NT5E: variants seen among roughly 807,000 people sequenced by gnomAD.
NT5E encodes 5'-nucleotidase.
A neutral mutation model predicts 55.1 loss-of-function variants in NT5E; 53 were observed. The ratio of observed to expected loss-of-function variants is 0.96; its 90% CI spans 0.77 to 1.21. NT5E has a LOEUF of 1.21. NT5E is among the 50% of genes most tolerant of loss of function. The pLI is 0.00. For synonymous variants in NT5E, 270 were observed against 278.4 expected (o/e 0.97, Z 0.30); for missense variants, 683 against 724.3 (o/e 0.94, Z 0.65).
intron 3 of NT5E, among the ~76,000 whole-genome samples, chr6:85,476,643 GA>G (rs1769443594): frequency 1.3e-5 from 2 of 152,184 alleles, no homozygotes; most frequent in South Asian, 4.1e-4. Flanking sequence ...CGAACAAATT[GA>G]AGATGGTGAA....
At chr6:85,479,256 G>A (rs1022088623) in intron 3 of NT5E, among the ~76,000 whole-genome samples, 3 of 152,046 alleles carry the variant, frequency 2.0e-5, no homozygotes, top group East Asian at 1.9e-4. Context: ...ACTCTTAAAC[G>A]ATAAGAAACC....
At chr6:85,468,874 G>A (rs1208355649) in intron 2 of NT5E, among the ~76,000 whole-genome samples, 2 of 152,174 alleles carry the variant, frequency 1.3e-5, no homozygotes, top group Non-Finnish European at 2.9e-5. Flanking sequence ...AACAGAGAGG[G>A]GATCAAAAGT....
chr6:85,456,668 G>C (rs553639850), intron 1 of NT5E, among the ~76,000 whole-genome samples: 2 of 152,308 alleles, frequency 1.3e-5, no homozygotes, highest in Admixed American at 1.3e-4. Context: ...AGAGAGAAGA[G>C]GGTGAGGAAA....
intron 3 of NT5E, among the ~76,000 whole-genome samples, chr6:85,480,011 A>G (rs1441524477): frequency 6.6e-6 from 1 of 152,196 alleles, no homozygotes; most frequent in Non-Finnish European, 1.5e-5. Context: ...CCCTGTATTC[A>G]TGGAGCAGCC....
intron 4 of NT5E, 150 bp from the exon 5 acceptor site, chr6:85,487,185 G>A: frequency 1.4e-6 from 1 of 704,524 alleles, no homozygotes; most frequent in Non-Finnish European, 2.5e-6. Flanking sequence ...AAGTTCCTAA[G>A]GAAATTTCAT....
intron 3 of NT5E, among the ~76,000 whole-genome samples, chr6:85,483,519 C>T (rs1173094037): frequency 6.6e-6 from 1 of 152,250 alleles, no homozygotes; most frequent in Admixed American, 6.5e-5. Flanking sequence ...GGAACAAAGG[C>T]TTTCACTGGA....
chr6:85,474,127 G>A (rs916853737), intron 3 of NT5E, among the ~76,000 whole-genome samples: 4 of 152,180 alleles, frequency 2.6e-5, no homozygotes. Context: ...GGATGCTCAA[G>A]TCCCTTATAT....
intron 1 of NT5E, among the ~76,000 whole-genome samples, chr6:85,456,700 T>C (rs1014168172): frequency 1.3e-5 from 2 of 152,052 alleles, no homozygotes; most frequent in African/African-American, 4.8e-5. Context: ...GCAGTCCAAG[T>C]GTGAGATGAT....
intron 1 of NT5E, among the ~76,000 whole-genome samples, chr6:85,455,488 C>A (rs189163834): frequency 2.0e-5 from 3 of 152,184 alleles, no homozygotes; most frequent in Non-Finnish European, 4.4e-5. Context: ...GGGTGCACAC[C>A]CAGGTAGGGC....
rs186848400 is a variant in NT5E, at chr6:85,487,050, G to A, written c.950-285G>A. On this transcript the variant is annotated intron_variant, in intron 4 of 8. Coordinates refer to ENST00000257770, the MANE Select transcript of NT5E (RefSeq NM_002526.4). Reference sequence around the variant, plus strand: ...CCCTGGGCCTTTCAGAGCTCCTACCGCCACCACTAATGCTGTCCCAGGTGG... The same window carrying A: ...CCCTGGGCCTTTCAGAGCTCCTACCACCACCACTAATGCTGTCCCAGGTGG... Among the ~76,000 whole-genome samples, 67 of 152,246 alleles carry A rather than the reference G, an allele frequency of 4.4e-4. 1 individual carries two copies. The highest frequency in any genetic ancestry group is 4.1e-3 in the East Asian group (21 of 5,172).
intron 1 of NT5E, among the ~76,000 whole-genome samples, chr6:85,462,979 A>G (rs1307434222): frequency 2.0e-5 from 3 of 152,194 alleles, no homozygotes; most frequent in Non-Finnish European, 4.4e-5. Flanking sequence ...CTAATACCTT[A>G]CTGGCACTTG....
intron 1 of NT5E, among the ~76,000 whole-genome samples, chr6:85,464,001 A>G (rs1769141864): frequency 6.6e-6 from 1 of 151,032 alleles, no homozygotes; most frequent in Non-Finnish European, 1.5e-5. Context: ...AATCCCTGCC[A>G]TGGTAGTACT....
At chr6:85,455,268 C>T (rs1768965415) in intron 1 of NT5E, among the ~76,000 whole-genome samples, 1 of 152,178 alleles carries the variant, frequency 6.6e-6, no homozygotes, top group Non-Finnish European at 1.5e-5. Flanking sequence ...GTTTATGCTC[C>T]TGCAGACTTA....
At chr6:85,451,705 TG>T (rs1400476032) in intron 1 of NT5E, among the ~76,000 whole-genome samples, 1 of 152,156 alleles carries the variant, frequency 6.6e-6, no homozygotes, top group African/African-American at 2.4e-5. Context: ...GTGATTAGGC[TG>T]GGATACAGAA....
At chr6:85,467,382 G>GTA in intron 2 of NT5E, 100 bp downstream of exon 2, 1 of 947,934 alleles carries the variant, frequency 1.1e-6, no homozygotes, top group Non-Finnish European at 1.7e-6. Flanking sequence ...AGGAACAACT[G>GTA]GGTAAATAGT....
At chr6:85,478,663 A>T (rs1769483452) in intron 3 of NT5E, among the ~76,000 whole-genome samples, 1 of 152,048 alleles carries the variant, frequency 6.6e-6, no homozygotes, top group Non-Finnish European at 1.5e-5. Flanking sequence ...TGTGGAGATT[A>T]AGTGAGATAA....
chr6:85,474,644 G>T (rs1231416855), intron 3 of NT5E, among the ~76,000 whole-genome samples: 1 of 152,162 alleles, frequency 6.6e-6, no homozygotes, highest in African/African-American at 2.4e-5. Context: ...AACAATTAAA[G>T]GTGGCTGGGC....
intron 1 of NT5E, among the ~76,000 whole-genome samples, chr6:85,459,990 G>T (rs1769063106): frequency 6.6e-6 from 1 of 152,168 alleles, no homozygotes; most frequent in Non-Finnish European, 1.5e-5. Context: ...TAATTCACAT[G>T]AATTCTCTAT....
At chr6:85,487,738 G>A (rs1769699075) in intron 5 of NT5E, among the ~76,000 whole-genome samples, 1 of 152,172 alleles carries the variant, frequency 6.6e-6, no homozygotes. Flanking sequence ...GCAAAAGAGC[G>A]AGACTCTGTC....
Sources: gnomAD v4.1 joint callset for allele counts (sites outside exome capture counted in the v4.1 genomes callset) on GRCh38, gnomAD v4.1.1 for gene constraint, MANE v1.5 for transcripts, NCBI Gene and HGNC (gene_info 2026-07-23, HGNC 2026-07-21) for gene names.